PTPRM: variants seen among roughly 807,000 people sequenced by gnomAD.
The protein encoded by PTPRM is receptor-type tyrosine-protein phosphatase mu.
PTPRM carries 47 observed loss-of-function variants against 186.7 expected under a neutral mutation model. That is an observed-to-expected ratio of 0.25 (90% confidence interval 0.20 to 0.32). PTPRM has a LOEUF of 0.32. Among genes scored for constraint, PTPRM ranks in the 10% least tolerant of loss-of-function variants. PTPRM has a pLI of 1.00. For synonymous variants in PTPRM, 668 were observed against 674.9 expected, an observed-to-expected ratio of 0.99 and a Z score of 0.16; for missense variants, 1,494 against 1,865.0, an observed-to-expected ratio of 0.80 and a Z score of 3.66.
At chr18:7,577,926 G>A (rs1463105432) in intron 1 of PTPRM, among the ~76,000 whole-genome samples, 1 of 152,186 alleles carries the variant, frequency 6.6e-6, no homozygotes, top group Non-Finnish European at 1.5e-5. Context: ...TGCTTGGTAT[G>A]TTTGGAGTGC....
intron 6 of PTPRM, among the ~76,000 whole-genome samples, chr18:7,951,549 C>T (rs575204113): frequency 2.0e-5 from 3 of 152,250 alleles, no homozygotes; most frequent in Non-Finnish European, 4.4e-5. Flanking sequence ...CATATTTGTG[C>T]ACCACATTTT....
chr18:7,648,181 A>G (rs548807405), intron 1 of PTPRM, among the ~76,000 whole-genome samples: 4 of 152,024 alleles, frequency 2.6e-5, no homozygotes, highest in Non-Finnish European at 5.9e-5. Context: ...TTACTATTGT[A>G]ATTGTTTTGG....
At chr18:8,351,505 C>G (rs1017307800) in intron 23 of PTPRM, among the ~76,000 whole-genome samples, 1 of 152,148 alleles carries the variant, frequency 6.6e-6, no homozygotes, top group South Asian at 2.1e-4. Context: ...GCACAACCAC[C>G]AGGCTGTGGG....
At chr18:8,177,999 A>G (rs780914597) in intron 14 of PTPRM, among the ~76,000 whole-genome samples, 5 of 152,180 alleles carry the variant, frequency 3.3e-5, no homozygotes, top group Admixed American at 6.5e-5. Flanking sequence ...GAACAATTCT[A>G]GAAGGTCATA....
intron 4 of PTPRM, among the ~76,000 whole-genome samples, chr18:7,921,852 CA>C (rs1335019128): frequency 6.6e-6 from 1 of 152,088 alleles, no homozygotes; most frequent in Non-Finnish European, 1.5e-5. Flanking sequence ...GTTTACATAT[CA>C]CCATCTTGTT....
chr18:7,716,373 C>T (rs1376843483), intron 1 of PTPRM, among the ~76,000 whole-genome samples: 1 of 152,142 alleles, frequency 6.6e-6, no homozygotes, highest in Non-Finnish European at 1.5e-5. Context: ...AGACCTAAAA[C>T]CATAAAAACC....
intron 1 of PTPRM, among the ~76,000 whole-genome samples, chr18:7,651,511 G>A (rs1164210452): frequency 6.6e-6 from 1 of 152,084 alleles, no homozygotes; most frequent in African/African-American, 2.4e-5. Context: ...ATGCTACAAG[G>A]CTACAGTAAC....
chr18:8,308,595 G>A (rs57906294), intron 20 of PTPRM, among the ~76,000 whole-genome samples: 1,577 of 151,848 alleles, frequency 0.01, 22 homozygotes, highest in African/African-American at 0.034. Flanking sequence ...TCTTTTTATC[G>A]TGCTAAATAT....
intron 1 of PTPRM, among the ~76,000 whole-genome samples, chr18:7,577,221 A>G (rs1283265986): frequency 3.3e-5 from 5 of 152,236 alleles, no homozygotes; most frequent in Non-Finnish European, 5.9e-5. Context: ...ATTTAAAGGA[A>G]AAAGTATTAC....
intron 1 of PTPRM, among the ~76,000 whole-genome samples, chr18:7,756,557 A>G (rs546422448): frequency 5.3e-5 from 8 of 152,342 alleles, no homozygotes; most frequent in South Asian, 2.1e-4. Context: ...CTGTTTGGCT[A>G]TAAAATTCAA....
Position 8,092,301 on chromosome 18 carries a change from A to T in PTPRM, c.1856+3450A>T, listed in dbSNP as rs1171947224. 2.6e-5 allele frequency among the ~76,000 whole-genome samples: 4 copies of T among 152,326 alleles called. No individual in the cohort carries two copies. The East Asian group carries it at 7.7e-4, about 29-fold the overall frequency. ...AGATGGCCAAGAAGAACACAATTCC[A>T]TCATTCCAGCCAGTAAACTAGCATG... On this transcript the variant is annotated intron_variant, in intron 11 of 32. Coordinates refer to ENST00000580170, the MANE Select transcript of PTPRM (RefSeq NM_001105244.2).
chr18:8,321,180 C>A (rs894524221), intron 22 of PTPRM, among the ~76,000 whole-genome samples: 2 of 152,102 alleles, frequency 1.3e-5, no homozygotes, highest in South Asian at 4.1e-4. Context: ...TTTGTAAATT[C>A]GTGTGAAAAT....
chr18:8,174,622 A>G (rs2093454433), intron 14 of PTPRM, among the ~76,000 whole-genome samples: 1 of 152,176 alleles, frequency 6.6e-6, no homozygotes. Context: ...ATCTATAGGG[A>G]AAGTGCAATT....
intron 4 of PTPRM, among the ~76,000 whole-genome samples, chr18:7,913,099 T>C (rs1272660177): frequency 6.6e-6 from 1 of 152,278 alleles, no homozygotes; most frequent in Non-Finnish European, 1.5e-5. Flanking sequence ...ATTTTGAAGT[T>C]GTTTTAAGTA....
At chr18:8,181,799 A>G (rs2093578886) in intron 14 of PTPRM, among the ~76,000 whole-genome samples, 2 of 152,162 alleles carry the variant, frequency 1.3e-5, no homozygotes, top group Admixed American at 6.5e-5. Flanking sequence ...CGGTGCTGGC[A>G]GTGTTGCAAA....
chr18:8,240,828 A>AGAGAGAGAG lies in PTPRM; in HGVS notation c.2301-3230_2301-3229insGAGAGAGAG, dbSNP rs879710754. Among the ~76,000 whole-genome samples, 134 of 31,198 alleles carry AGAGAGAGAG rather than the reference A, an allele frequency of 4.3e-3. 8 individuals carry two copies. The highest frequency in any genetic ancestry group is 0.011 in the East Asian group (14 of 1,262). The allele number at this position is 31,198 out of a possible 152,430, so 20.5% of individuals were successfully genotyped here. A position where few individuals can be genotyped will look rare whatever the true frequency, so the allele number is the denominator to read the frequency against. The stretch of plus-strand genomic sequence containing the variant: ...AGAGAGAGAGAGAGAGAGAGAGAGA[A>AGAGAGAGAG]AGAAAGAAAGAAAGAAAAGAAAGAA... On this transcript the variant is annotated intron_variant, in intron 14 of 32. Transcript: ENST00000580170.
chr18:7,921,943 T>C (rs1378293885), intron 4 of PTPRM, among the ~76,000 whole-genome samples: 1 of 152,242 alleles, frequency 6.6e-6, no homozygotes, highest in Non-Finnish European at 1.5e-5. Flanking sequence ...TGTGGATGTA[T>C]GTCTATGTCT....
chr18:7,640,398 A>T (rs1175351379), intron 1 of PTPRM, among the ~76,000 whole-genome samples: 1 of 152,172 alleles, frequency 6.6e-6, no homozygotes, highest in Non-Finnish European at 1.5e-5. Flanking sequence ...GAGGAAATTG[A>T]GGTCCGAGGA....
rs149142739 is a variant in PTPRM at position 7,953,978 on chromosome 18, A to T, written c.839-1143A>T. 2.2e-3 allele frequency among the ~76,000 whole-genome samples: 334 copies of T among 152,308 alleles called. 4 individuals are homozygous for T. Among genetic ancestry groups the T allele is most frequent in the African/African-American group, 7.7e-3 (319 of 41,570 alleles). ...AAAGGCACAAACCACCCATAGATAC[A>T]GTCTTGAAAAAAATCACTAGATTTA... On this transcript the variant is annotated intron_variant, in intron 6 of 32. Transcript: ENST00000580170.
Sources: gnomAD v4.1 joint callset for allele counts (sites outside exome capture counted in the v4.1 genomes callset) on GRCh38, gnomAD v4.1.1 for gene constraint, MANE v1.5 for transcripts, NCBI Gene and HGNC (gene_info 2026-07-23, HGNC 2026-07-21) for gene names.